Variants in TMEM50B observed in about 807,000 individuals in gnomAD.
TMEM50B encodes HCV p7-trans-regulated protein 3.
In TMEM50B, 14 loss-of-function variants were observed where a neutral mutation model predicts 23.4. That is an observed-to-expected ratio of 0.60 (90% confidence interval 0.39 to 0.93). TMEM50B has a LOEUF of 0.93. Among genes scored for constraint, TMEM50B ranks in the 40% least tolerant of loss-of-function variants. The probability of loss-of-function intolerance (pLI) is 0.00; values close to 1 mark genes in which losing one functional copy is unlikely to be tolerated. For missense variants in TMEM50B, 159 were observed against 193.0 expected (o/e 0.82, Z 1.04); for synonymous variants, 64 against 62.3 (o/e 1.03, Z -0.13).
At chr21:33,434,902 GA>G (rs2083929399) in intron 8 of TMEM50B, among the ~76,000 whole-genome samples, 1 of 152,130 alleles carries the variant, frequency 6.6e-6, no homozygotes, top group African/African-American at 2.4e-5. Flanking sequence ...TCATTCCTCT[GA>G]GACATGAACA....
chr21:33,479,111 T>C, intron 1 of TMEM50B: 1 of 256,632 alleles, frequency 3.9e-6, no homozygotes, highest in Non-Finnish European at 7.9e-6. Flanking sequence ...GTATTTACCT[T>C]AGAATTTCAG....
chr21:33,456,274 A>G (rs745759648), intron 5 of TMEM50B, among the ~76,000 whole-genome samples: 3 of 152,144 alleles, frequency 2.0e-5, no homozygotes, highest in Non-Finnish European at 4.4e-5. Context: ...ATCATAGCAA[A>G]CTACAGCCCA....
Position 33,456,012 on chromosome 21 carries a change from C to T in TMEM50B, c.374-228G>A, listed in dbSNP as rs149088180. 5 of 693,642 alleles carry T rather than the reference C, an allele frequency of 7.2e-6. No homozygotes were observed. The East Asian group carries it at 1.1e-4, about 16-fold the overall frequency. The allele number at this position is 693,642 out of a possible 1,614,324, so 43.0% of individuals were successfully genotyped here. A position where few individuals can be genotyped will look rare whatever the true frequency, so the allele number is the denominator to read the frequency against. On this transcript the variant is annotated intron_variant, in intron 5 of 6. Transcript: ENST00000542230. The stretch of plus-strand genomic sequence containing the variant: ...AAAGTCAATGAACTTACAAAGTTTT[C>T]TTTTAGTCAAAGTAATTGCTGGTTC...
chr21:33,442,713 G>A (rs1039621453), intron 7 of TMEM50B, among the ~76,000 whole-genome samples: 7 of 152,092 alleles, frequency 4.6e-5, no homozygotes, highest in African/African-American at 1.7e-4. Context: ...TTGAGGTCAG[G>A]AGTTCGACAC....
rs1240752646 is a variant in TMEM50B, at chr21:33,455,794, C to A, written c.374-10G>T. 1 of 1,608,958 alleles carries A rather than the reference C, an allele frequency of 6.2e-7. No individual in the cohort carries two copies. Among genetic ancestry groups the A allele is most frequent in the Non-Finnish European group, 8.5e-7 (1 of 1,175,782 alleles). On this transcript the variant is annotated splice_polypyrimidine_tract_variant and intron_variant, in intron 5 of 6. Transcript: ENST00000542230. ...GGATAAACATCAGTATCTACATACACAAAGTAAAACAGATTAGACGGTTAT... is the reference window on the plus strand; with the variant it reads ...GGATAAACATCAGTATCTACATACAAAAAGTAAAACAGATTAGACGGTTAT...
chr21:33,449,345 AGAGAG>A lies in TMEM50B; in HGVS notation c.*1468_*1472del, dbSNP rs2084096176. 1 of 152,560 alleles carries A rather than the reference AGAGAG, an allele frequency of 6.6e-6. No homozygotes were observed. The highest frequency in any genetic ancestry group is 2.1e-4 in the South Asian group (1 of 4,824). 9.5% of individuals were successfully genotyped at this position (152,560 alleles called of 1,614,324 possible). A position where few individuals can be genotyped will look rare whatever the true frequency, so the allele number is the denominator to read the frequency against. ...TCTGTGCACAAGAAATCCTCTCAAG[AGAGAG>A]GAGAGGAGTGATGCCAAATGGGCTT... On this transcript the variant is annotated 3_prime_UTR_variant, in exon 7 of 7. Transcript: ENST00000542230.
chr21:33,448,284 C>A (rs1434412965), downstream of TMEM50B, among the ~76,000 whole-genome samples: 1 of 152,058 alleles, frequency 6.6e-6, no homozygotes, highest in Non-Finnish European at 1.5e-5. Context: ...TGAGCCCCCA[C>A]GCCTGACCAC....
At chr21:33,441,029 A>G (rs371129082) in intron 7 of TMEM50B, among the ~76,000 whole-genome samples, 15 of 152,236 alleles carry the variant, frequency 9.9e-5, no homozygotes, top group African/African-American at 3.1e-4. Context: ...CAGGAGTTCA[A>G]GATCAGTCTG....
In TMEM50B at chr21:33,458,232, G is replaced by A. The variant is rs370455440; in HGVS notation, c.373+2181C>T. On this transcript the variant is annotated intron_variant, in intron 5 of 6. Coordinates refer to ENST00000542230, the MANE Select transcript of TMEM50B (RefSeq NM_006134.7). ...AAAATGAGTTTAAAACACACTTTCC[G>A]GCTGGGCACAGTGGCTCACGCCTGT... Among the ~76,000 whole-genome samples the A allele has an allele frequency of 2.6e-4, 39 of 152,246 alleles. No homozygotes were observed. The East Asian group carries it at 2.9e-3, about 11-fold the overall frequency.
downstream of TMEM50B, among the ~76,000 whole-genome samples, chr21:33,448,123 A>G (rs1394978568): frequency 6.6e-6 from 1 of 151,796 alleles, no homozygotes; most frequent in Admixed American, 6.6e-5. Context: ...CCTCCCGAGT[A>G]GCTGGGATTA....
intron 1 of TMEM50B, among the ~76,000 whole-genome samples, chr21:33,478,033 G>A (rs904313634): frequency 1.3e-5 from 2 of 151,742 alleles, no homozygotes; most frequent in Non-Finnish European, 2.9e-5. Context: ...TACTAGGGAG[G>A]CTGAGGCAGG....
At chr21:33,437,143 A>G in intron 8 of TMEM50B, 1 of 587,854 alleles carries the variant, frequency 1.7e-6, no homozygotes, top group Non-Finnish European at 3.0e-6. Context: ...TTTTTTTCTT[A>G]AAGAATTTTC....
intron 4 of TMEM50B, 98 bp from the exon 5 acceptor site, chr21:33,460,603 T>G (rs1197430994): frequency 1.8e-6 from 1 of 543,088 alleles, no homozygotes; most frequent in African/African-American, 1.9e-5. Flanking sequence ...CTAGTATATA[T>G]TATGCATATC....
intron 1 of TMEM50B, among the ~76,000 whole-genome samples, chr21:33,475,523 T>A (rs1047957934): frequency 2.0e-5 from 3 of 152,046 alleles, no homozygotes; most frequent in Non-Finnish European, 4.4e-5. Flanking sequence ...CTTTTTTGTA[T>A]TTTTAGTAGA....
chr21:33,473,469 A>C (rs896442611), intron 1 of TMEM50B, among the ~76,000 whole-genome samples: 2 of 151,544 alleles, frequency 1.3e-5, no homozygotes, highest in South Asian at 4.1e-4. Flanking sequence ...AAAAAAAAAA[A>C]AAAAAAAAAC....
At chr21:33,447,612 A>G (rs1452086906), downstream of TMEM50B, among the ~76,000 whole-genome samples, 1 of 151,658 alleles carries the variant, frequency 6.6e-6, no homozygotes, top group African/African-American at 2.4e-5. Context: ...GATATCATCA[A>G]TCTTTCAGTC....
At position 33,443,579 on chromosome 21, in the gene TMEM50B, C is replaced by T. The variant is rs551806441; in HGVS notation, c.*2037-4282G>A. 1.8e-4 allele frequency among the ~76,000 whole-genome samples: 27 copies of T among 152,266 alleles called. 1 individual carries two copies. The South Asian group carries it at 3.5e-3, about 20-fold the overall frequency. ...TATTAGAGACACTGCAGGGATATGA[C>T]GACTAAATGCAACGTGTGACCATGG... On this transcript the variant is annotated intron_variant and NMD_transcript_variant, in intron 7 of 8. Coordinates refer to the TMEM50B transcript ENST00000420455.
Position 33,455,778 on chromosome 21 carries a change from T to G in TMEM50B, c.380A>C (p.Asp127Ala), listed in dbSNP as rs1292413443. Residue 127 changes from aspartate (D) to alanine (A), a missense_variant, in exon 6 of 7, where the codon GAT (aspartate) becomes GCT (alanine). By Grantham distance (126) the Asp-to-Ala change is moderately radical. Transcript: ENST00000542230. ...LFGAYVTQNT[D>A]VYPGLAVFFQ... ...AAACACAGCTAGTCCCGGATAAACA[T>G]CAGTATCTACATACACAAAGTAAAA... 1 of 1,613,532 alleles carries G rather than the reference T, an allele frequency of 6.2e-7. No homozygotes were observed. Among genetic ancestry groups the G allele is most frequent in the Non-Finnish European group, 8.5e-7 (1 of 1,179,652 alleles).
intron 1 of TMEM50B, among the ~76,000 whole-genome samples, chr21:33,476,713 A>G (rs532776120): frequency 6.0e-4 from 83 of 139,396 alleles, no homozygotes; most frequent in African/African-American, 2.2e-3. Context: ...GTGAGCCGAG[A>G]TCGCACCACT....
Sources: gnomAD v4.1 joint callset for allele counts (sites outside exome capture counted in the v4.1 genomes callset) on GRCh38, gnomAD v4.1.1 for gene constraint, MANE v1.5 for transcripts, NCBI Gene and HGNC (gene_info 2026-07-23, HGNC 2026-07-21) for gene names.